The following ZNF333 variants were observed in gnomAD, a reference collection of about 807,000 sequenced individuals.
ZNF333 encodes the protein zinc finger protein 333.
A neutral mutation model predicts 76.1 loss-of-function variants in ZNF333; 61 were observed. That is an observed-to-expected ratio of 0.80 (90% CI 0.65 to 0.99). The LOEUF (loss-of-function observed/expected upper bound fraction) is 0.99, where lower values mean the gene tolerates loss of function less well. Ranked by LOEUF, ZNF333 falls within the 50% of genes least tolerant of loss-of-function variation. The probability of loss-of-function intolerance (pLI) is 0.00; values close to 1 mark genes in which losing one functional copy is unlikely to be tolerated. For missense variants in ZNF333, 717 were observed against 822.4 expected (o/e 0.87, Z 1.57); for synonymous variants, 284 against 305.0 (o/e 0.93, Z 0.72).
At chr19:14,692,681 T>G (rs1328584432) in intron 1 of ZNF333, among the ~76,000 whole-genome samples, 1 of 151,778 alleles carries the variant, frequency 6.6e-6, no homozygotes, top group Non-Finnish European at 1.5e-5. Context: ...CCCAGCTAAT[T>G]TTTGTATTTT....
intron 7 of ZNF333, chr19:14,709,383 T>G (rs2042213243): frequency 6.6e-6 from 1 of 152,232 alleles, no homozygotes; most frequent in Non-Finnish European, 1.5e-5. Context: ...AGACTCTATG[T>G]TCAAATATGG....
At chr19:14,698,179 C>T (rs1321231147) in intron 4 of ZNF333, among the ~76,000 whole-genome samples, 1 of 151,698 alleles carries the variant, frequency 6.6e-6, no homozygotes, top group African/African-American at 2.4e-5. Context: ...TCGAGACCAG[C>T]CTGGCCCAAC....
intron 6 of ZNF333, 170 bp from the exon 7 acceptor site, chr19:14,706,516 T>C (rs1289980689): frequency 1.5e-6 from 1 of 654,834 alleles, no homozygotes; most frequent in African/African-American, 1.8e-5. Context: ...GTGATTAGCT[T>C]TGTATTTAAG....
chr19:14,716,011 C>T (rs1332393174), intron 8 of ZNF333, 101 bp from the exon 9 acceptor site: 7 of 1,561,486 alleles, frequency 4.5e-6, no homozygotes, highest in African/African-American at 1.4e-5. Flanking sequence ...TGAAAGTCCT[C>T]TGCCTGGGTT....
In ZNF333 at chr19:14,706,733, T is replaced by C. The variant is rs768051887; in HGVS notation, c.471T>C (p.Pro157=). 1.9e-6 allele frequency: 3 copies of C among 1,613,988 alleles called. No individual in the cohort carries two copies. In the South Asian group the frequency reaches 3.3e-5, roughly 18 times the overall value. The stretch of plus-strand genomic sequence containing the variant: ...TTCAGAGGGTGGTGATACCAGTGCC[T>C]ACTCTGGGCCACCGCAACCCATGGG... The part of the protein sequence containing the change: ...MQIQRVVIPV[P]TLGHRNPWVA... The change falls in exon 7 of 12, where the codon CCT becomes CCC. Residue 157 remains proline (P), a synonymous_variant. Coordinates refer to ENST00000292530, the MANE Select transcript of ZNF333 (RefSeq NM_032433.4).
chr19:14,711,583 C>T (rs562056832), intron 7 of ZNF333, among the ~76,000 whole-genome samples: 1 of 152,244 alleles, frequency 6.6e-6, no homozygotes, highest in East Asian at 1.9e-4. Context: ...GGGAGAATCA[C>T]TTGAGCCCAG....
intron 4 of ZNF333, among the ~76,000 whole-genome samples, chr19:14,696,418 G>T (rs879346482): frequency 1.5e-4 from 23 of 152,060 alleles, no homozygotes; most frequent in Non-Finnish European, 2.2e-4. Flanking sequence ...ATAGACATTT[G>T]TATATGGAAA....
chr19:14,694,527 C>T (rs1973030759), intron 2 of ZNF333, among the ~76,000 whole-genome samples: 1 of 152,030 alleles, frequency 6.6e-6, no homozygotes, highest in East Asian at 1.9e-4. Flanking sequence ...GTCCTACTTT[C>T]ACAAGTATAT....
rs1408402112 is a variant in ZNF333 at position 14,693,437 on chromosome 19, C to A, written c.-41-14C>A. 6.3e-7 allele frequency: 1 copy of A among 1,577,360 alleles called. No homozygotes were observed. ...CTCACCCCTTCTTTTACCTCAGTGT[C>A]TCCTTTATTGCAGGGAGAACACCGA... On this transcript the variant is annotated splice_polypyrimidine_tract_variant and intron_variant, in intron 1 of 11. Coordinates refer to ENST00000292530, the MANE Select transcript of ZNF333 (RefSeq NM_032433.4).
chr19:14,694,041 C>T (rs1972977771), intron 2 of ZNF333, among the ~76,000 whole-genome samples: 1 of 151,674 alleles, frequency 6.6e-6, no homozygotes, highest in South Asian at 2.1e-4. Context: ...TCAGTCGCCC[C>T]AGTCACATTG....
At chr19:14,731,095 C>T (rs892543484) in intron 11 of ZNF333, 3 of 1,282,344 alleles carry the variant, frequency 2.3e-6, no homozygotes, top group East Asian at 2.5e-5. Context: ...CCTGCCCCCT[C>T]CCCCCAAGGA....
downstream of ZNF333, among the ~76,000 whole-genome samples, chr19:14,724,909 A>G (rs1439973624): frequency 6.6e-6 from 1 of 152,228 alleles, no homozygotes; most frequent in African/African-American, 2.4e-5. Context: ...TTCTTCATAA[A>G]TGTAGGCAAA....
downstream of ZNF333, among the ~76,000 whole-genome samples, chr19:14,726,279 A>G (rs10402912): frequency 0.12 from 18,349 of 152,034 alleles, 1,316 homozygotes; most frequent in African/African-American, 0.2. Flanking sequence ...CCGCTAAATC[A>G]TTCTTTTCTC....
rs3885179 is a variant in ZNF333 at position 14,717,018 on chromosome 19, C to T, written c.752C>T (p.Ala251Val). 13 of 1,611,834 alleles carry T rather than the reference C, an allele frequency of 8.1e-6. No homozygotes were observed. The highest frequency in any genetic ancestry group is 2.2e-5 in the East Asian group (1 of 44,858). ...GCTGATCAACTGTGCAAACCCAATG[C>T]GTTGTCTTATTTGGAAGAAAGAGGA... ...SVADQLCKPN[A>V]LSYLEERGEQ... The change falls in exon 10 of 12, where the codon GCG becomes GTG. Residue 251 changes from alanine (A) to valine (V), a missense_variant. By Grantham distance (64) the Ala-to-Val change is moderately conservative. Coordinates refer to ENST00000292530, the MANE Select transcript of ZNF333 (RefSeq NM_032433.4).
Position 14,718,874 on chromosome 19 carries a change from G to A in ZNF333, c.1547G>A (p.Arg516Gln), listed in dbSNP as rs374107856. The change falls in exon 12 of 12, where the codon CGG (arginine) becomes CAG (glutamine). Residue 516 changes from arginine to glutamine, a missense_variant. By Grantham distance (43) the Arg-to-Gln change is conservative (BLOSUM62 1). Coordinates refer to ENST00000292530, the MANE Select transcript of ZNF333 (RefSeq NM_032433.4). ...TGCAACCAGTGTGGCAAGCCCTTCC[G>A]GACGAGCACTCATCTGAACGTGCAC... ...YECNQCGKPF[R>Q]TSTHLNVHKR... 24 of 1,614,136 alleles carry A rather than the reference G, an allele frequency of 1.5e-5. No homozygotes were observed. Among genetic ancestry groups the A allele is most frequent in the East Asian group, 6.7e-5 (3 of 44,886 alleles).
At chr19:14,713,000 G>A (rs1162666472) in intron 7 of ZNF333, among the ~76,000 whole-genome samples, 2 of 151,630 alleles carry the variant, frequency 1.3e-5, no homozygotes, top group African/African-American at 2.4e-5. Flanking sequence ...ATCCATTCCA[G>A]CGTCAACTCT....
chr19:14,724,918 A>T (rs2042624589), downstream of ZNF333, among the ~76,000 whole-genome samples: 1 of 152,204 alleles, frequency 6.6e-6, no homozygotes, highest in South Asian at 2.1e-4. Context: ...AATGTAGGCA[A>T]ATACCAAGCA....
At chr19:14,701,396 C>T (rs973821160) in intron 5 of ZNF333, among the ~76,000 whole-genome samples, 1 of 152,182 alleles carries the variant, frequency 6.6e-6, no homozygotes, top group Non-Finnish European at 1.5e-5. Flanking sequence ...CGCACCACTA[C>T]ACCTGGCTGA....
chr19:14,696,157 C>T (rs1448553639), intron 4 of ZNF333, among the ~76,000 whole-genome samples: 3 of 152,070 alleles, frequency 2.0e-5, no homozygotes, highest in Non-Finnish European at 4.4e-5. Flanking sequence ...GGGGATAGAG[C>T]GAGACTCTGT....
Sources: allele counts gnomAD v4.1 joint callset (sites outside exome capture counted in the v4.1 genomes callset), GRCh38; gene constraint gnomAD v4.1.1; transcripts MANE v1.5; gene names NCBI Gene and HGNC (gene_info 2026-07-23, HGNC 2026-07-21).